Variants in STK3 observed in about 807,000 individuals in gnomAD.
STK3 encodes the protein serine/threonine kinase 3, also known as serine/threonine-protein kinase 3.
Under a neutral mutation model 58.0 loss-of-function variants are expected in STK3, and 41 were observed. The ratio of observed to expected loss-of-function variants is 0.71; its 90% CI spans 0.55 to 0.92. The LOEUF is 0.92. Among genes scored for constraint, STK3 ranks in the 40% least tolerant of loss-of-function variants. STK3 has a pLI of 0.00. For missense variants in STK3, 479 were observed against 602.7 expected (o/e 0.79, Z 2.15); for synonymous variants, 170 against 191.0 (o/e 0.89, Z 0.91).
chr8:98,570,421 G>A (rs1308785360), intron 8 of STK3, among the ~76,000 whole-genome samples: 1 of 151,960 alleles, frequency 6.6e-6, no homozygotes, highest in Non-Finnish European at 1.5e-5. Context: ...GATTACAGGC[G>A]TGAGCCACCG....
At chr8:98,476,089 A>G (rs1466551499) in intron 10 of STK3, among the ~76,000 whole-genome samples, 2 of 152,230 alleles carry the variant, frequency 1.3e-5, no homozygotes, top group Non-Finnish European at 2.9e-5. Context: ...TTACTCCAAC[A>G]TGTACCTAAG....
chr8:98,525,428 CAA>C (rs74275395), intron 10 of STK3, among the ~76,000 whole-genome samples: 17 of 119,236 alleles, frequency 1.4e-4, no homozygotes, highest in Non-Finnish European at 1.1e-4. Flanking sequence ...AAATTTATGC[CAA>C]AAAAAAAAAA....
chr8:98,913,059 C>T (rs1314589972), intron 1 of STK3, among the ~76,000 whole-genome samples: 1 of 151,430 alleles, frequency 6.6e-6, no homozygotes, highest in Non-Finnish European at 1.5e-5. Flanking sequence ...AGGCGTGAGC[C>T]ACTACACACA....
intron 6 of STK3, among the ~76,000 whole-genome samples, chr8:98,703,812 A>C (rs1825781180): frequency 6.6e-6 from 1 of 152,276 alleles, no homozygotes; most frequent in East Asian, 1.9e-4. Flanking sequence ...GATTAATTAC[A>C]CTATACTTTC....
intron 6 of STK3, among the ~76,000 whole-genome samples, chr8:98,696,880 T>C (rs1387133186): frequency 6.6e-6 from 1 of 152,234 alleles, no homozygotes; most frequent in Non-Finnish European, 1.5e-5. Context: ...ATAAAATGAG[T>C]TAGGGAGGAT....
chr8:98,391,690 C>T (rs189639662), upstream of STK3, among the ~76,000 whole-genome samples: 11 of 152,292 alleles, frequency 7.2e-5, no homozygotes, highest in Middle Eastern at 3.4e-3. Flanking sequence ...TGCTCTTGAG[C>T]GTCCTTGCAT....
chr8:98,368,173 T>C (rs1007161114), downstream of STK3, among the ~76,000 whole-genome samples: 4 of 152,134 alleles, frequency 2.6e-5, no homozygotes, highest in Non-Finnish European at 4.4e-5. Context: ...TTAAAAGAGG[T>C]GAAAACTACG....
intron 1 of STK3, among the ~76,000 whole-genome samples, chr8:98,915,434 A>ATATATATATG (rs1469413413): frequency 3.7e-5 from 1 of 27,108 alleles, no homozygotes; most frequent in African/African-American, 9.6e-5. Flanking sequence ...AAACTTTCCT[A>ATATATATATG]TATATATATA....
chr8:98,661,222 G>T (rs1037002173), intron 6 of STK3, among the ~76,000 whole-genome samples: 8 of 151,966 alleles, frequency 5.3e-5, no homozygotes, highest in Non-Finnish European at 8.8e-5. Flanking sequence ...TTCTAGAATA[G>T]AGATAACTAA....
chr8:98,872,672 G>C (rs985043320), intron 3 of STK3, among the ~76,000 whole-genome samples: 4 of 152,180 alleles, frequency 2.6e-5, no homozygotes, highest in Non-Finnish European at 5.9e-5. Context: ...ATTTCTGTGG[G>C]ATTGGTGGTG....
chr8:98,870,740 T>G (rs1055983302), intron 3 of STK3, among the ~76,000 whole-genome samples: 1 of 152,242 alleles, frequency 6.6e-6, no homozygotes, highest in African/African-American at 2.4e-5. Flanking sequence ...TTCTGGATAT[T>G]AGCCCTTTGT....
downstream of STK3, chr8:98,878,895 C>CT (rs67515050): frequency 0.042 from 4,594 of 108,608 alleles, 165 homozygotes; most frequent in East Asian, 0.063. Flanking sequence ...TTTCTTTTTT[C>CT]TTTTTTTTTT....
At chr8:98,560,680 A>G (rs1811940423) in intron 8 of STK3, among the ~76,000 whole-genome samples, 1 of 152,162 alleles carries the variant, frequency 6.6e-6, no homozygotes, top group African/African-American at 2.4e-5. Flanking sequence ...TGTTGACAAA[A>G]TGATCCTTTC....
Position 98,758,163 on chromosome 8 carries a change from G to A in STK3, c.237-8773C>T, listed in dbSNP as rs967459637. ...AATACAGTGAGTCACACAAATTTTT[G>A]TTTTCCAGAAAGAAACCTTGGATCA... On this transcript the variant is annotated intron_variant, in intron 3 of 10. Transcript: ENST00000419617. Among the ~76,000 whole-genome samples the A allele has an allele frequency of 6.6e-5, 10 of 152,182 alleles. No individual in the cohort carries two copies. The East Asian group carries it at 1.9e-3, about 29-fold the overall frequency.
intron 3 of STK3, among the ~76,000 whole-genome samples, chr8:98,844,022 G>T (rs1405261610): frequency 6.6e-6 from 1 of 152,192 alleles, no homozygotes; most frequent in Non-Finnish European, 1.5e-5. Flanking sequence ...TAAGCCAGGT[G>T]CAGTGGCACA....
chr8:98,919,195 C>A (rs1839457398), intron 1 of STK3, among the ~76,000 whole-genome samples: 1 of 152,188 alleles, frequency 6.6e-6, no homozygotes, highest in Admixed American at 6.5e-5. Flanking sequence ...CTTACCACAG[C>A]CTGCCACAAG....
chr8:98,903,549 T>A (rs1421886666), intron 1 of STK3, among the ~76,000 whole-genome samples: 3 of 44,990 alleles, frequency 6.7e-5, no homozygotes, highest in Non-Finnish European at 1.2e-4. Flanking sequence ...TTCTTCTTCT[T>A]CTTCTTCCTT....
intron 4 of STK3, among the ~76,000 whole-genome samples, chr8:98,734,246 A>G (rs1287683458): frequency 2.6e-5 from 4 of 152,188 alleles, no homozygotes; most frequent in African/African-American, 7.2e-5. Flanking sequence ...GAGCTAAACC[A>G]TATCAACTGA....
At chr8:98,756,775 G>T (rs943130354) in intron 3 of STK3, among the ~76,000 whole-genome samples, 4 of 152,208 alleles carry the variant, frequency 2.6e-5, no homozygotes, top group African/African-American at 9.7e-5. Flanking sequence ...TCCCATGGAA[G>T]GATGTCTTTC....
Sources: gnomAD v4.1 joint callset for allele counts (sites outside exome capture counted in the v4.1 genomes callset) on GRCh38, gnomAD v4.1.1 for gene constraint, MANE v1.5 for transcripts, NCBI Gene and HGNC (gene_info 2026-07-23, HGNC 2026-07-21) for gene names.